ZNF148: variants seen among roughly 807,000 people sequenced by gnomAD.
The protein encoded by ZNF148 is zinc finger protein 148, also known as Beta-Enolase Repressor Factor-1.
In ZNF148, 7 loss-of-function variants were observed where a neutral mutation model predicts 67.7. The ratio of observed to expected loss-of-function variants is 0.10; its 90% CI spans 0.06 to 0.19. ZNF148 has a LOEUF of 0.19. Among genes scored for constraint, ZNF148 ranks in the 10% least tolerant of loss-of-function variants. The pLI, the probability that ZNF148 is intolerant of heterozygous loss-of-function variation, is 1.00. For synonymous variants in ZNF148, 333 were observed against 330.7 expected, an observed-to-expected ratio of 1.01 and a Z score of -0.08; for missense variants, 583 against 947.1, an observed-to-expected ratio of 0.62 and a Z score of 5.05.
In ZNF148 at chr3:125,257,461, C is replaced by T. The variant is rs116240231; in HGVS notation, c.667+20265G>A. 6.4e-3 allele frequency among the ~76,000 whole-genome samples: 956 copies of T among 149,252 alleles called. 8 individuals are homozygous for T. Among genetic ancestry groups the T allele is most frequent in the African/African-American group, 0.023 (910 of 40,366 alleles). On this transcript the variant is annotated intron_variant, in intron 7 of 8. Transcript: ENST00000360647. ...GTCCCAGCTACGTGGGAGGCTGAGA[C>T]GAGAATCGCTTGAACTCGGGCTGCG...
intron 1 of ZNF148, among the ~76,000 whole-genome samples, chr3:125,347,855 A>G (rs1252247936): frequency 1.3e-5 from 2 of 152,218 alleles, no homozygotes; most frequent in African/African-American, 2.4e-5. Flanking sequence ...TTTGACACCA[A>G]GACAATTCAG....
chr3:125,288,255 T>C (rs201042429), intron 4 of ZNF148, 27 bp from the exon 5 acceptor site: 71 of 1,584,710 alleles, frequency 4.5e-5, no homozygotes, highest in Non-Finnish European at 5.2e-5. Flanking sequence ...AAGCCAATTT[T>C]AGACATAAAT....
At chr3:125,295,929 A>G (rs983311540) in intron 4 of ZNF148, among the ~76,000 whole-genome samples, 2 of 152,160 alleles carry the variant, frequency 1.3e-5, no homozygotes, top group Non-Finnish European at 2.9e-5. Flanking sequence ...ACAGTTATTA[A>G]TTATCATACA....
chr3:125,273,204 C>A (rs1937852760), intron 7 of ZNF148, among the ~76,000 whole-genome samples: 1 of 152,172 alleles, frequency 6.6e-6, no homozygotes, highest in African/African-American at 2.4e-5. Flanking sequence ...ATTAGCCCAA[C>A]TGGTTTACAA....
At chr3:125,259,026 T>C (rs1937219804) in intron 7 of ZNF148, among the ~76,000 whole-genome samples, 1 of 152,012 alleles carries the variant, frequency 6.6e-6, no homozygotes, top group South Asian at 2.1e-4. Context: ...CACAGAAAAA[T>C]AAAATTAAAC....
intron 4 of ZNF148, among the ~76,000 whole-genome samples, chr3:125,299,224 C>T (rs1224081866): frequency 6.6e-6 from 1 of 152,216 alleles, no homozygotes; most frequent in Non-Finnish European, 1.5e-5. Context: ...CATACCCTGT[C>T]CTAAATGATT....
chr3:125,360,211 T>A (rs946863063), intron 1 of ZNF148, among the ~76,000 whole-genome samples: 3 of 152,190 alleles, frequency 2.0e-5, no homozygotes, highest in African/African-American at 7.2e-5. Flanking sequence ...TATCAGCTTC[T>A]CCATGTTCTA....
At chr3:125,243,897 A>C (rs1013774470) in intron 7 of ZNF148, among the ~76,000 whole-genome samples, 6 of 152,338 alleles carry the variant, frequency 3.9e-5, no homozygotes, top group Admixed American at 1.3e-4. Flanking sequence ...AAAACACTTA[A>C]ATGAAAAATT....
rs1559772236 is a variant in ZNF148, at chr3:125,345,602, A to AAC, written c.-233-14365_-233-14364insGT. 6.0e-4 allele frequency among the ~76,000 whole-genome samples: 80 copies of AAC among 133,844 alleles called. 1 individual carries two copies. The Middle Eastern group carries it at 0.015, about 25-fold the overall frequency. 87.8% of individuals were successfully genotyped at this position (133,844 alleles called of 152,430 possible). The stretch of plus-strand genomic sequence containing the variant: ...AAACTAACAACAACAACAACAACAA[A>AAC]AAAAGACAAACAGAAGACACAAAAC... On this transcript the variant is annotated intron_variant, in intron 1 of 8. Coordinates refer to ENST00000360647, the MANE Select transcript of ZNF148 (RefSeq NM_021964.3).
intron 7 of ZNF148, among the ~76,000 whole-genome samples, chr3:125,277,207 C>G (rs1408567394): frequency 6.6e-6 from 1 of 152,184 alleles, no homozygotes; most frequent in Non-Finnish European, 1.5e-5. Context: ...TAAAATGAGA[C>G]TTAGGTTTTT....
intron 7 of ZNF148, among the ~76,000 whole-genome samples, chr3:125,257,843 T>C (rs755094594): frequency 6.6e-5 from 10 of 152,174 alleles, no homozygotes; most frequent in Non-Finnish European, 1.3e-4. Flanking sequence ...TTTCCTCCTC[T>C]TCTGAAAACT....
intron 3 of ZNF148, among the ~76,000 whole-genome samples, chr3:125,316,161 G>A (rs886112899): frequency 2.6e-5 from 4 of 152,110 alleles, no homozygotes; most frequent in Non-Finnish European, 5.9e-5. Flanking sequence ...CACCCGTGTT[G>A]TTGCAAATGA....
chr3:125,270,554 A>G (rs1277490793), intron 7 of ZNF148, among the ~76,000 whole-genome samples: 1 of 152,166 alleles, frequency 6.6e-6, no homozygotes, highest in Non-Finnish European at 1.5e-5. Context: ...ATGTAAAATA[A>G]TTTTTCAGGG....
chr3:125,338,659 C>CAAAAA lies in ZNF148; in HGVS notation c.-233-7426_-233-7422dup, dbSNP rs757727396. Among the ~76,000 whole-genome samples the CAAAAA allele has an allele frequency of 9.3e-3, 472 of 50,984 alleles. 60 individuals carry two copies. Among genetic ancestry groups the CAAAAA allele is most frequent in the South Asian group, 0.03 (27 of 908 alleles). 33.4% of individuals were successfully genotyped at this position (50,984 alleles called of 152,430 possible). A position where few individuals can be genotyped will look rare whatever the true frequency, so the allele number is the denominator to read the frequency against. On this transcript the variant is annotated intron_variant, in intron 1 of 8. Coordinates refer to ENST00000360647, the MANE Select transcript of ZNF148 (RefSeq NM_021964.3). ...TGAGTGACAGAGTGAGACCCTGTCT[C>CAAAAA]AAAAAAAAAAAAAAAAAAAAAAAAC...
chr3:125,285,518 C>A (rs1191761467), intron 5 of ZNF148, among the ~76,000 whole-genome samples: 3 of 151,898 alleles, frequency 2.0e-5, no homozygotes, highest in African/African-American at 7.3e-5. Flanking sequence ...ATGTAACATG[C>A]CAGGACAATT....
intron 7 of ZNF148, among the ~76,000 whole-genome samples, chr3:125,243,012 T>C (rs1337066655): frequency 6.6e-6 from 1 of 152,238 alleles, no homozygotes; most frequent in East Asian, 1.9e-4. Flanking sequence ...TCCATATAAA[T>C]TTCAGAATTA....
intron 1 of ZNF148, among the ~76,000 whole-genome samples, chr3:125,363,449 C>T (rs547548503): frequency 1.3e-5 from 2 of 152,272 alleles, no homozygotes; most frequent in East Asian, 3.9e-4. Context: ...GCTAAGTGAT[C>T]TAATAATTTC....
intron 7 of ZNF148, among the ~76,000 whole-genome samples, chr3:125,249,078 C>T (rs976620985): frequency 1.3e-5 from 2 of 151,990 alleles, no homozygotes; most frequent in African/African-American, 2.4e-5. Context: ...CATAAAAATC[C>T]TTGAAGAAAG....
At chr3:125,277,592 G>A (rs1938142907) in intron 7 of ZNF148, 134 bp downstream of exon 7, 1 of 665,936 alleles carries the variant, frequency 1.5e-6, no homozygotes, top group African/African-American at 1.9e-5. Flanking sequence ...TTATTGAAGG[G>A]AGAAAAAAGA....
Sources: gnomAD v4.1 joint callset for allele counts (sites outside exome capture counted in the v4.1 genomes callset) on GRCh38, gnomAD v4.1.1 for gene constraint, MANE v1.5 for transcripts, NCBI Gene and HGNC (gene_info 2026-07-23, HGNC 2026-07-21) for gene names.